The following CNBD1 variants were observed in gnomAD, a reference collection of about 807,000 sequenced individuals.
The protein encoded by CNBD1 is cyclic nucleotide-binding domain-containing protein 1.
Under a neutral mutation model 54.4 loss-of-function variants are expected in CNBD1, and 71 were observed. The ratio of observed to expected loss-of-function variants is 1.30; its 90% CI spans 1.08 to 1.59. The LOEUF (loss-of-function observed/expected upper bound fraction) is 1.59. CNBD1 is among the 40% of genes most tolerant of loss of function. The probability of loss-of-function intolerance (pLI) is 0.00; values close to 1 mark genes in which losing one functional copy is unlikely to be tolerated. For missense variants in CNBD1, 659 were observed against 518.0 expected (o/e 1.27, Z -2.64); for synonymous variants, 182 against 170.7 (o/e 1.07, Z -0.51).
chr8:86,918,747 T>C (rs1809225606), intron 3 of CNBD1, among the ~76,000 whole-genome samples: 1 of 151,132 alleles, frequency 6.6e-6, no homozygotes, highest in Non-Finnish European at 1.5e-5. Context: ...CAGTCTTGGG[T>C]ATGTCTTTAT....
chr8:87,396,677 G>T (rs1281315518), intron 2 of CNBD1, among the ~76,000 whole-genome samples: 1 of 150,800 alleles, frequency 6.6e-6, no homozygotes, highest in East Asian at 1.9e-4. Flanking sequence ...TCATTGATTT[G>T]TCCCTTTTTA....
chr8:87,143,813 T>C (rs945053502), intron 4 of CNBD1, among the ~76,000 whole-genome samples: 4 of 152,164 alleles, frequency 2.6e-5, no homozygotes, highest in Non-Finnish European at 5.9e-5. Flanking sequence ...GTTTGTTACA[T>C]GGAGAATAAA....
intron 4 of CNBD1, among the ~76,000 whole-genome samples, chr8:87,004,082 C>A (rs1809046807): frequency 6.6e-6 from 1 of 152,200 alleles, no homozygotes. Flanking sequence ...TATTACTGTG[C>A]TTTTCACATA....
chr8:87,373,874 G>A (rs1444152570), intron 10 of CNBD1, among the ~76,000 whole-genome samples: 1 of 151,400 alleles, frequency 6.6e-6, no homozygotes, highest in African/African-American at 2.4e-5. Flanking sequence ...CTGTACAAAT[G>A]TAATTTTATA....
chr8:87,423,217 G>C (rs1204293270), intron 2 of CNBD1, among the ~76,000 whole-genome samples: 2 of 152,096 alleles, frequency 1.3e-5, no homozygotes, highest in African/African-American at 4.8e-5. Flanking sequence ...CATGTCATCT[G>C]CAAACAGGGA....
At chr8:87,406,942 T>C (rs1563589954) in intron 2 of CNBD1, among the ~76,000 whole-genome samples, 1 of 152,184 alleles carries the variant, frequency 6.6e-6, no homozygotes. Flanking sequence ...TAATTTACTC[T>C]GGAGGAAGTT....
chr8:87,410,586 C>CA (rs1217644256), intron 2 of CNBD1, among the ~76,000 whole-genome samples: 1 of 152,090 alleles, frequency 6.6e-6, no homozygotes, highest in Non-Finnish European at 1.5e-5. Context: ...GAAATCACAA[C>CA]AAAAAATTTA....
chr8:86,983,637 G>A (rs1049719961), intron 4 of CNBD1, among the ~76,000 whole-genome samples: 1 of 152,156 alleles, frequency 6.6e-6, no homozygotes, highest in African/African-American at 2.4e-5. Context: ...TTGGGAACTA[G>A]AGCAAAGACA....
rs914577087 is a variant in CNBD1 at position 86,949,545 on chromosome 8, G to A, written c.431+9791G>A. On this transcript the variant is annotated intron_variant, in intron 4 of 10. Coordinates refer to ENST00000518476, the MANE Select transcript of CNBD1 (RefSeq NM_173538.3). ...ACTTTTTTGATTTGTTTTTCAAATT[G>A]TTGATTTTTGTATTTTGATTTTGTA... Among the ~76,000 whole-genome samples, 3 of 151,964 alleles carry A rather than the reference G, an allele frequency of 2.0e-5. No individual in the cohort carries two copies. In the East Asian group the frequency reaches 5.8e-4, roughly 29 times the overall value.
chr8:87,284,470 AT>A (rs1197188395), intron 6 of CNBD1, among the ~76,000 whole-genome samples: 1 of 152,042 alleles, frequency 6.6e-6, no homozygotes, highest in Non-Finnish European at 1.5e-5. Flanking sequence ...TTTTTATGTT[AT>A]TTTCTTCATG....
intron 4 of CNBD1, among the ~76,000 whole-genome samples, chr8:86,981,507 T>C (rs1205755952): frequency 6.6e-6 from 1 of 152,200 alleles, no homozygotes; most frequent in Admixed American, 6.5e-5. Flanking sequence ...TCCAGTTTGA[T>C]GGATTTTGGC....
Position 86,938,117 on chromosome 8 carries a change from T to A in CNBD1, c.273-1479T>A, listed in dbSNP as rs577476461. ...TCCCTCAAGTTCAAAGTGCTATAGA[T>A]CTCTAGGGAAGATGCAAAATGCTGC... On this transcript the variant is annotated intron_variant, in intron 3 of 10. Coordinates refer to ENST00000518476, the MANE Select transcript of CNBD1 (RefSeq NM_173538.3). Among the ~76,000 whole-genome samples the A allele has an allele frequency of 3.9e-5, 6 of 152,256 alleles. No homozygotes were observed. In the East Asian group the frequency reaches 1.2e-3, roughly 29 times the overall value.
intron 4 of CNBD1, among the ~76,000 whole-genome samples, chr8:87,122,830 T>G (rs1386704026): frequency 6.6e-6 from 1 of 151,912 alleles, no homozygotes; most frequent in Non-Finnish European, 1.5e-5. Context: ...TTCCCCATTT[T>G]GTACTCTCAG....
At chr8:87,396,516 T>A (rs1009355679) in intron 2 of CNBD1, among the ~76,000 whole-genome samples, 2 of 151,892 alleles carry the variant, frequency 1.3e-5, no homozygotes, top group African/African-American at 4.8e-5. Flanking sequence ...GGCACAGATA[T>A]TTACCAGGAA....
intron 4 of CNBD1, among the ~76,000 whole-genome samples, chr8:87,107,118 G>A (rs1258032547): frequency 1.3e-5 from 2 of 152,118 alleles, no homozygotes; most frequent in African/African-American, 2.4e-5. Flanking sequence ...GTGAGCCACC[G>A]CACCCGGCCT....
chr8:86,916,871 C>CT (rs748549695), intron 3 of CNBD1, among the ~76,000 whole-genome samples: 1,454 of 134,586 alleles, frequency 0.011, 22 homozygotes, highest in African/African-American at 0.027. Context: ...GCCCAGCTAA[C>CT]TTTTTTTTTT....
intron 8 of CNBD1, 148 bp from the exon 9 acceptor site, chr8:87,351,537 A>C (rs1810292265): frequency 1.5e-6 from 1 of 663,296 alleles, no homozygotes. Context: ...TACATCTTGT[A>C]TTAAGTACTG....
chr8:87,364,185 A>T (rs1474319820), intron 10 of CNBD1, among the ~76,000 whole-genome samples: 6 of 151,624 alleles, frequency 4.0e-5, no homozygotes, highest in Non-Finnish European at 8.8e-5. Context: ...TGGAGAGATT[A>T]TCTCAAAAAA....
chr8:86,944,838 G>A (rs1052676311), intron 4 of CNBD1, among the ~76,000 whole-genome samples: 7 of 152,188 alleles, frequency 4.6e-5, no homozygotes, highest in Non-Finnish European at 7.3e-5. Context: ...CTGTTAGAGT[G>A]CTGTGAAATT....
Sources: gnomAD v4.1 joint callset for allele counts (sites outside exome capture counted in the v4.1 genomes callset) on GRCh38, gnomAD v4.1.1 for gene constraint, MANE v1.5 for transcripts, NCBI Gene and HGNC (gene_info 2026-07-23, HGNC 2026-07-21) for gene names.